PIBF1: variants seen among roughly 807,000 people sequenced by gnomAD.
PIBF1 encodes progesterone-induced-blocking factor 1.
PIBF1 carries 90 observed loss-of-function variants against 112.5 expected under a neutral mutation model. That is an observed-to-expected ratio of 0.80 (90% CI 0.67 to 0.95). PIBF1 has a LOEUF of 0.95. PIBF1 is among the 40% of genes least tolerant of loss of function. PIBF1 has a pLI of 0.00. For missense variants in PIBF1, 915 were observed against 852.3 expected (o/e 1.07, Z -0.92); for synonymous variants, 301 against 288.6 (o/e 1.04, Z -0.44).
At chr13:72,900,922 T>C (rs187504945) in intron 11 of PIBF1, among the ~76,000 whole-genome samples, 7 of 152,334 alleles carry the variant, frequency 4.6e-5, no homozygotes, top group Admixed American at 3.9e-4. Flanking sequence ...CTGGGGAGGC[T>C]GAGGCAGGAG....
chr13:72,882,322 T>A (rs1464498595), intron 10 of PIBF1, among the ~76,000 whole-genome samples: 1 of 152,162 alleles, frequency 6.6e-6, no homozygotes, highest in African/African-American at 2.4e-5. Context: ...ATCTAAGACC[T>A]CAAACTATAA....
intron 10 of PIBF1, among the ~76,000 whole-genome samples, chr13:72,872,640 T>C (rs2039215963): frequency 6.6e-6 from 1 of 152,176 alleles, no homozygotes; most frequent in South Asian, 2.1e-4. Flanking sequence ...TTATTTCTCA[T>C]AATTGCTTTG....
At chr13:72,877,299 GT>G (rs1358821872) in intron 10 of PIBF1, among the ~76,000 whole-genome samples, 2 of 152,054 alleles carry the variant, frequency 1.3e-5, no homozygotes, top group African/African-American at 4.8e-5. Flanking sequence ...TTTGTTGAGG[GT>G]TTTTGCATCT....
intron 13 of PIBF1, among the ~76,000 whole-genome samples, chr13:72,927,946 T>TATGTATATATATATATATAC (rs2041543420): frequency 1.8e-5 from 1 of 56,674 alleles, no homozygotes; most frequent in African/African-American, 1.2e-4. Flanking sequence ...TATATGTGTG[T>TATGTATATATATATATATAC]ATATATATAT....
At position 72,908,651 on chromosome 13, in the gene PIBF1, C is replaced by G; in HGVS notation, c.1609C>G (p.Leu537Val). ...LDIYEKLEKELDEIIMQTAEI... is the reference protein window; with the variant it reads ...LDIYEKLEKEVDEIIMQTAEI... ...CATTTATGAGAAACTGGAAAAAGAG[C>G]TTGATGAAATAATAATGCAAACTGC... is the stretch of plus-strand genomic sequence containing the variant. The change falls in exon 12 of 18, where the codon CTT (leucine) becomes GTT (valine). Residue 537 changes from leucine (L) to valine (V), a missense_variant. Coordinates refer to ENST00000326291, the MANE Select transcript of PIBF1 (RefSeq NM_006346.4). 6.2e-7 allele frequency: 1 copy of G among 1,613,040 alleles called. No homozygotes were observed. The highest frequency in any genetic ancestry group is 8.5e-7 in the Non-Finnish European group (1 of 1,179,392).
intron 14 of PIBF1, among the ~76,000 whole-genome samples, chr13:72,952,727 C>CTA (rs1555323116): frequency 2.0e-5 from 3 of 149,098 alleles, no homozygotes; most frequent in Middle Eastern, 3.2e-3. Context: ...TGTGAAGACT[C>CTA]TGAGTTCCTT....
At chr13:72,922,779 G>C (rs2041342446) in intron 13 of PIBF1, among the ~76,000 whole-genome samples, 1 of 152,054 alleles carries the variant, frequency 6.6e-6, no homozygotes, top group Non-Finnish European at 1.5e-5. Flanking sequence ...GGGGAAACTT[G>C]TACTCATTTC....
At chr13:72,959,015 T>A (rs1360344725) in intron 14 of PIBF1, among the ~76,000 whole-genome samples, 1 of 152,154 alleles carries the variant, frequency 6.6e-6, no homozygotes, top group Non-Finnish European at 1.5e-5. Context: ...TCTGGGTTTT[T>A]TGAGACAGAG....
chr13:72,932,743 C>G (rs774432907), intron 14 of PIBF1, among the ~76,000 whole-genome samples: 8 of 152,120 alleles, frequency 5.3e-5, no homozygotes, highest in Admixed American at 5.2e-4. Context: ...TTTAAATTGA[C>G]AAATTTGATT....
intron 15 of PIBF1, among the ~76,000 whole-genome samples, chr13:72,966,941 C>CTT (rs547336254): frequency 0.013 from 1,811 of 144,270 alleles, 38 homozygotes; most frequent in African/African-American, 0.042. Context: ...AATTTTGAAT[C>CTT]TTTTTTTTTT....
intron 14 of PIBF1, among the ~76,000 whole-genome samples, chr13:72,960,966 A>G (rs1414195880): frequency 6.6e-6 from 1 of 151,926 alleles, no homozygotes; most frequent in Non-Finnish European, 1.5e-5. Context: ...TTATGGCTCC[A>G]CTTTCACTAT....
chr13:72,852,532 C>A (rs899412346), intron 9 of PIBF1, among the ~76,000 whole-genome samples: 5 of 152,160 alleles, frequency 3.3e-5, no homozygotes, highest in Non-Finnish European at 5.9e-5. Flanking sequence ...GAGCCGAGTA[C>A]AGCCTGTGAG....
intron 3 of PIBF1, among the ~76,000 whole-genome samples, chr13:72,793,638 G>A (rs1267979573): frequency 6.6e-6 from 1 of 152,172 alleles, no homozygotes. Flanking sequence ...GGGCAGTCAC[G>A]AGTCTATTGT....
At chr13:72,794,192 A>G (rs1339898861) in intron 3 of PIBF1, among the ~76,000 whole-genome samples, 20 of 152,200 alleles carry the variant, frequency 1.3e-4, no homozygotes, top group Admixed American at 1.2e-3. Flanking sequence ...CATGGAGGAA[A>G]AGAACTAAGA....
chr13:72,902,863 C>G (rs1474860152), intron 11 of PIBF1, among the ~76,000 whole-genome samples: 1 of 151,246 alleles, frequency 6.6e-6, no homozygotes, highest in Admixed American at 6.6e-5. Context: ...CAGTAAAAAT[C>G]ATCAATATAC....
At chr13:72,848,330 G>T (rs191467519) in intron 9 of PIBF1, among the ~76,000 whole-genome samples, 190 of 152,086 alleles carry the variant, frequency 1.2e-3, no homozygotes, top group African/African-American at 4.3e-3. Flanking sequence ...TATTGGTACT[G>T]TGAAATTTAT....
chr13:72,871,319 C>G (rs1341907651), intron 10 of PIBF1, among the ~76,000 whole-genome samples: 1 of 152,004 alleles, frequency 6.6e-6, no homozygotes, highest in Non-Finnish European at 1.5e-5. Flanking sequence ...TTCTCTCTCT[C>G]TTTTGAGATG....
At chr13:72,935,025 G>A (rs2041825562) in intron 14 of PIBF1, among the ~76,000 whole-genome samples, 1 of 152,100 alleles carries the variant, frequency 6.6e-6, no homozygotes, top group African/African-American at 2.4e-5. Flanking sequence ...TCACTCTGTT[G>A]CCCAGGCTGG....
At chr13:72,981,975 A>G (rs563370082) in intron 16 of PIBF1, among the ~76,000 whole-genome samples, 20 of 152,324 alleles carry the variant, frequency 1.3e-4, no homozygotes, top group African/African-American at 4.8e-4. Context: ...TTTTTGAGAC[A>G]ATAATTTCAC....
Sources: allele counts gnomAD v4.1 joint callset (sites outside exome capture counted in the v4.1 genomes callset), GRCh38; gene constraint gnomAD v4.1.1; transcripts MANE v1.5; gene names NCBI Gene and HGNC (gene_info 2026-07-23, HGNC 2026-07-21).